Variants in AFAP1L1 observed in about 807,000 individuals in gnomAD.
AFAP1L1 encodes actin filament-associated protein 1-like 1.
In AFAP1L1, 77 loss-of-function variants were observed where a neutral mutation model predicts 99.8. That is an observed-to-expected ratio of 0.77 (90% confidence interval 0.64 to 0.93). The LOEUF is 0.93. Among genes scored for constraint, AFAP1L1 ranks in the 40% least tolerant of loss-of-function variants. The probability of loss-of-function intolerance (pLI) is 0.00; values close to 1 mark genes in which losing one functional copy is unlikely to be tolerated. For synonymous variants in AFAP1L1, 373 were observed against 395.3 expected (o/e 0.94, Z 0.67); for missense variants, 893 against 996.8 (o/e 0.90, Z 1.40).
chr5:149,319,554 A>G (rs1756892901), intron 12 of AFAP1L1, 28 bp from the exon 13 acceptor site: 2 of 1,571,426 alleles, frequency 1.3e-6, no homozygotes, highest in African/African-American at 1.4e-5. Context: ...TAGGAAAATG[A>G]ACTCCATCTT....
chr5:149,328,868 G>T (rs953538989), intron 15 of AFAP1L1, among the ~76,000 whole-genome samples: 3 of 152,150 alleles, frequency 2.0e-5, no homozygotes, highest in African/African-American at 7.2e-5. Context: ...GCAAGTGAAT[G>T]GCTCAGCATA....
intron 5 of AFAP1L1, 110 bp downstream of exon 5, chr5:149,302,636 A>G: frequency 1.1e-6 from 1 of 925,372 alleles, no homozygotes; most frequent in Non-Finnish European, 1.6e-6. Context: ...TCACCCTCCC[A>G]ACCATGTCAC....
intron 7 of AFAP1L1, among the ~76,000 whole-genome samples, chr5:149,307,818 T>TTCTCTCTCTGTCTCTCTCTCTC (rs557717575): frequency 7.0e-5 from 7 of 100,504 alleles, no homozygotes; most frequent in Admixed American, 1.3e-4. Flanking sequence ...GTGCCTCTCT[T>TTCTCTCTCTGTCTCTCTCTCTC]TCTCTCTCTC....
chr5:149,303,663 T>G (rs201107159), intron 5 of AFAP1L1, among the ~76,000 whole-genome samples: 1 of 152,292 alleles, frequency 6.6e-6, no homozygotes, highest in East Asian at 1.9e-4. Flanking sequence ...TTCCATTTGT[T>G]TTTTTAAATA....
intron 8 of AFAP1L1, among the ~76,000 whole-genome samples, chr5:149,311,329 C>T (rs1756623780): frequency 6.6e-6 from 1 of 152,176 alleles, no homozygotes; most frequent in African/African-American, 2.4e-5. Context: ...CAGACGAATC[C>T]CTAGACTGGA....
intron 18 of AFAP1L1, among the ~76,000 whole-genome samples, chr5:149,338,276 A>G (rs1259820383): frequency 6.6e-6 from 1 of 152,064 alleles, no homozygotes; most frequent in Non-Finnish European, 1.5e-5. Context: ...CCTGGGCAAC[A>G]TGGCGAAACC....
intron 18 of AFAP1L1, among the ~76,000 whole-genome samples, chr5:149,338,952 C>A (rs181309881): frequency 2.0e-5 from 3 of 152,144 alleles, no homozygotes; most frequent in African/African-American, 4.8e-5. Context: ...GTGAAAGGAA[C>A]AAAGAGTGAG....
At chr5:149,335,569 TA>T in intron 17 of AFAP1L1, 24 bp from the exon 18 acceptor site, 1 of 1,611,408 alleles carries the variant, frequency 6.2e-7, no homozygotes, top group African/African-American at 1.3e-5. Flanking sequence ...ATCTCACCTA[TA>T]TAATTATTTA....
At chr5:149,301,297 TC>T (rs776451251) in intron 4 of AFAP1L1, 67 bp downstream of exon 4, 95 of 1,485,868 alleles carry the variant, frequency 6.4e-5, no homozygotes, top group Non-Finnish European at 8.5e-5. Context: ...AGGGAAGCTC[TC>T]CCCTTCCCAC....
intron 7 of AFAP1L1, among the ~76,000 whole-genome samples, 157 bp from the exon 8 acceptor site, chr5:149,309,799 T>C (rs1288590992): frequency 1.3e-5 from 2 of 152,236 alleles, no homozygotes; most frequent in Non-Finnish European, 2.9e-5. Context: ...GTGAACAGCC[T>C]GGACCCTTCA....
intron 15 of AFAP1L1, among the ~76,000 whole-genome samples, chr5:149,327,362 G>T (rs375748243): frequency 6.6e-6 from 1 of 152,044 alleles, no homozygotes; most frequent in African/African-American, 2.4e-5. Context: ...CAACAGAAAT[G>T]TATTTCTCAT....
At position 149,340,330 on chromosome 5, in the gene AFAP1L1, G is replaced by C. The variant is rs918889095; in HGVS notation, c.*300G>C. 5 of 328,084 alleles carry C rather than the reference G, an allele frequency of 1.5e-5. No individual in the cohort carries two copies. The highest frequency in any genetic ancestry group is 2.9e-5 in the Non-Finnish European group (5 of 172,934). The allele number at this position is 328,084 out of a possible 1,614,324, so 20.3% of individuals were successfully genotyped here. ...TATAGATGTCTTTGCCTTCCCTTCT[G>C]AGGAAGGGAAGAAGTAATGAAAGCA... On this transcript the variant is annotated 3_prime_UTR_variant, in exon 19 of 19. Coordinates refer to ENST00000296721, the MANE Select transcript of AFAP1L1 (RefSeq NM_152406.4).
chr5:149,312,816 G>T (rs1004382658), intron 9 of AFAP1L1, among the ~76,000 whole-genome samples: 1 of 150,910 alleles, frequency 6.6e-6, no homozygotes, highest in Admixed American at 6.6e-5. Context: ...GAGAGAGAGA[G>T]AAAGAAAGAA....
chr5:149,295,417 C>G (rs1422102839), intron 1 of AFAP1L1, among the ~76,000 whole-genome samples: 2 of 152,170 alleles, frequency 1.3e-5, no homozygotes, highest in African/African-American at 4.8e-5. Flanking sequence ...ACGACTATAG[C>G]AAACCTTAAA....
chr5:149,311,208 C>G (rs1056381146), intron 8 of AFAP1L1, among the ~76,000 whole-genome samples: 17 of 152,180 alleles, frequency 1.1e-4, no homozygotes, highest in Non-Finnish European at 2.2e-4. Flanking sequence ...TAACCAGCCC[C>G]CATGATGGAA....
chr5:149,285,044 G>A (rs990047185), intron 1 of AFAP1L1, among the ~76,000 whole-genome samples: 2 of 152,096 alleles, frequency 1.3e-5, no homozygotes, highest in African/African-American at 2.4e-5. Flanking sequence ...TTTGATCAAC[G>A]TTTTCTTGGA....
chr5:149,325,046 T>G (rs1757056468), intron 15 of AFAP1L1, among the ~76,000 whole-genome samples: 1 of 152,128 alleles, frequency 6.6e-6, no homozygotes, highest in African/African-American at 2.4e-5. Flanking sequence ...GCCAAGTAGA[T>G]GATTGCTGAG....
intron 1 of AFAP1L1, among the ~76,000 whole-genome samples, chr5:149,277,882 G>C (rs1755387959): frequency 6.6e-6 from 1 of 152,144 alleles, no homozygotes; most frequent in Non-Finnish European, 1.5e-5. Context: ...ACTTAACTCT[G>C]TTCCCTATGG....
At chr5:149,287,604 G>A (rs929138318) in intron 1 of AFAP1L1, among the ~76,000 whole-genome samples, 2 of 152,112 alleles carry the variant, frequency 1.3e-5, no homozygotes, top group Non-Finnish European at 2.9e-5. Context: ...ATTTATTTGA[G>A]ATGGAATCTC....
Sources: allele counts gnomAD v4.1 joint callset (sites outside exome capture counted in the v4.1 genomes callset), GRCh38; gene constraint gnomAD v4.1.1; transcripts MANE v1.5; gene names NCBI Gene and HGNC (gene_info 2026-07-23, HGNC 2026-07-21).